PPP3CA: variants seen among roughly 807,000 people sequenced by gnomAD.
PPP3CA encodes the protein CAM-PRP catalytic subunit.
In PPP3CA, 14 loss-of-function variants were observed where a neutral mutation model predicts 66.5. The ratio of observed to expected loss-of-function variants is 0.21; its 90% CI spans 0.14 to 0.33. The LOEUF is 0.33. PPP3CA is among the 10% of genes least tolerant of loss of function. PPP3CA has a pLI of 1.00. For missense variants in PPP3CA, 317 were observed against 639.5 expected, an observed-to-expected ratio of 0.50 and a Z score of 5.44; for synonymous variants, 232 against 226.2, an observed-to-expected ratio of 1.03 and a Z score of -0.23.
chr4:101,086,229 T>A (rs1729668153), intron 6 of PPP3CA, among the ~76,000 whole-genome samples: 1 of 152,112 alleles, frequency 6.6e-6, no homozygotes, highest in Non-Finnish European at 1.5e-5. Flanking sequence ...ATCTATCTTT[T>A]GTTATATATT....
chr4:101,080,626 C>T lies in PPP3CA; in HGVS notation c.861G>A (p.Gly287=). The part of the protein sequence containing the change: ...ILRAHEAQDA[G]YRMYRKSQTT... ...TTTGGCTTTTCCTGTACATGCGGTACCTAAAAAGAACAAATACAGTCAAAA... is the reference window on the plus strand; with the variant it reads ...TTTGGCTTTTCCTGTACATGCGGTATCTAAAAAGAACAAATACAGTCAAAA... Residue 287 remains glycine (G), a splice_region_variant and synonymous_variant, in exon 8 of 14, where the codon GGG becomes GGA. Coordinates refer to ENST00000394854, the MANE Select transcript of PPP3CA (RefSeq NM_000944.5). 6.7e-7 allele frequency: 1 copy of T among 1,492,124 alleles called. No individual in the cohort carries two copies. The highest frequency in any genetic ancestry group is 9.0e-7 in the Non-Finnish European group (1 of 1,106,016). The allele number at this position is 1,492,124 out of a possible 1,614,324, so 92.4% of individuals were successfully genotyped here. A position where few individuals can be genotyped will look rare whatever the true frequency, so the allele number is the denominator to read the frequency against.
chr4:101,274,361 T>C (rs1727426146), intron 1 of PPP3CA, among the ~76,000 whole-genome samples: 1 of 152,216 alleles, frequency 6.6e-6, no homozygotes, highest in Non-Finnish European at 1.5e-5. Context: ...AATATGTTCA[T>C]GTCTCAAATT....
chr4:101,246,454 T>C (rs762578350), intron 1 of PPP3CA, among the ~76,000 whole-genome samples: 15 of 152,182 alleles, frequency 9.9e-5, no homozygotes, highest in Admixed American at 2.0e-4. Flanking sequence ...GGAGACCAAA[T>C]GTACATCCAA....
chr4:101,164,044 A>G, intron 2 of PPP3CA, among the ~76,000 whole-genome samples: 1 of 12,374 alleles, frequency 8.1e-5, no homozygotes, highest in Non-Finnish European at 1.4e-4. Flanking sequence ...GCAGTGGTGT[A>G]ATCATAACTT....
chr4:101,141,718 C>G (rs938720063), intron 2 of PPP3CA, among the ~76,000 whole-genome samples: 5 of 152,160 alleles, frequency 3.3e-5, no homozygotes, highest in Admixed American at 6.5e-5. Context: ...TTGTTACAAC[C>G]TCACTTATTT....
chr4:101,060,782 A>G (rs536894661), intron 10 of PPP3CA, among the ~76,000 whole-genome samples: 1 of 152,278 alleles, frequency 6.6e-6, no homozygotes, highest in South Asian at 2.1e-4. Context: ...AACATCTGTT[A>G]GAAAATAAAG....
chr4:101,227,601 T>C (rs1197406472), intron 1 of PPP3CA, among the ~76,000 whole-genome samples: 1 of 151,644 alleles, frequency 6.6e-6, no homozygotes, highest in Non-Finnish European at 1.5e-5. Flanking sequence ...TAGGGGTACA[T>C]GTGTAGGTTT....
chr4:101,136,599 A>G (rs1722630381), intron 2 of PPP3CA, among the ~76,000 whole-genome samples: 3 of 151,716 alleles, frequency 2.0e-5, no homozygotes, highest in Admixed American at 2.0e-4. Context: ...GTATTATAAC[A>G]AGGATTTTGT....
intron 1 of PPP3CA, among the ~76,000 whole-genome samples, chr4:101,207,736 G>C (rs1725178393): frequency 6.6e-6 from 1 of 152,002 alleles, no homozygotes; most frequent in African/African-American, 2.4e-5. Context: ...TGAGGCAGGA[G>C]AATCACTTGA....
chr4:101,066,989 A>T (rs969822949), intron 8 of PPP3CA, among the ~76,000 whole-genome samples: 13 of 152,210 alleles, frequency 8.5e-5, no homozygotes, highest in African/African-American at 3.1e-4. Context: ...GAGCTCCTTT[A>T]TTCTACTGGC....
chr4:101,092,428 GTTT>G (rs35795123), intron 6 of PPP3CA, among the ~76,000 whole-genome samples: 1 of 144,908 alleles, frequency 6.9e-6, no homozygotes, highest in Admixed American at 6.9e-5. Flanking sequence ...TTTTGGTACA[GTTT>G]TTTTTTTTTT....
intron 2 of PPP3CA, among the ~76,000 whole-genome samples, chr4:101,131,173 T>C (rs1200106978): frequency 6.6e-6 from 1 of 151,204 alleles, no homozygotes; most frequent in Non-Finnish European, 1.5e-5. Flanking sequence ...GAGTTGGAGG[T>C]TGTAGTGAAC....
intron 1 of PPP3CA, among the ~76,000 whole-genome samples, chr4:101,224,517 T>C (rs969400984): frequency 6.6e-6 from 1 of 151,752 alleles, no homozygotes; most frequent in Non-Finnish European, 1.5e-5. Context: ...TGTATTTCCA[T>C]TTCAAAATGT....
chr4:101,325,830 C>A (rs924050223), intron 1 of PPP3CA, among the ~76,000 whole-genome samples: 1 of 152,150 alleles, frequency 6.6e-6, no homozygotes, highest in Non-Finnish European at 1.5e-5. Context: ...CATTCATTAA[C>A]ATGATGTCTG....
intron 2 of PPP3CA, among the ~76,000 whole-genome samples, chr4:101,179,065 C>T (rs1724155060): frequency 6.6e-6 from 1 of 152,044 alleles, no homozygotes; most frequent in Non-Finnish European, 1.5e-5. Flanking sequence ...TTACAAATCC[C>T]TTCATCATAT....
At chr4:101,048,471 A>AGT (rs1322510682) in intron 10 of PPP3CA, among the ~76,000 whole-genome samples, 1 of 143,310 alleles carries the variant, frequency 7.0e-6, no homozygotes, top group African/African-American at 2.6e-5. Flanking sequence ...GGGTCAGTGC[A>AGT]GTCAATGTGA....
chr4:101,205,448 T>C (rs1725101572), intron 1 of PPP3CA, among the ~76,000 whole-genome samples: 1 of 152,144 alleles, frequency 6.6e-6, no homozygotes, highest in African/African-American at 2.4e-5. Flanking sequence ...AGCTATTGAG[T>C]TGAACTACTC....
chr4:101,108,918 T>C (rs1196384231), intron 3 of PPP3CA, 36 bp downstream of exon 3: 1 of 1,600,666 alleles, frequency 6.2e-7, no homozygotes, highest in Non-Finnish European at 8.5e-7. Context: ...TGTTAATCCA[T>C]AACTGAACAG....
At chr4:101,124,722 AAAGAGAAAGAAAG>A (rs1722164956) in intron 2 of PPP3CA, among the ~76,000 whole-genome samples, 4 of 74,318 alleles carry the variant, frequency 5.4e-5, no homozygotes, top group Non-Finnish European at 1.1e-4. Context: ...AGAAAGAAAG[AAAGAGAAAGAAAG>A]AAAGAAAGAA....
Sources: gnomAD v4.1 joint callset for allele counts (sites outside exome capture counted in the v4.1 genomes callset) on GRCh38, gnomAD v4.1.1 for gene constraint, MANE v1.5 for transcripts, NCBI Gene and HGNC (gene_info 2026-07-23, HGNC 2026-07-21) for gene names.